OVCH1: variants seen among roughly 807,000 people sequenced by gnomAD.
The protein encoded by OVCH1 is ovochymase-1.
OVCH1 carries 139 observed loss-of-function variants against 138.4 expected under a neutral mutation model. The observed-to-expected ratio is 1.00, with a 90% CI of 0.87 to 1.16. The LOEUF is 1.16. Among genes scored for constraint, OVCH1 ranks in the 50% most tolerant of loss-of-function variants. OVCH1 has a pLI of 0.00. For missense variants in OVCH1, 1,367 were observed against 1,357.9 expected (o/e 1.01, Z -0.11); for synonymous variants, 453 against 467.8 (o/e 0.97, Z 0.41).
chr12:29,496,630 G>A (rs758346789), exon 2 of OVCH1: 5 of 1,613,830 alleles, frequency 3.1e-6, no homozygotes, highest in Non-Finnish European at 2.5e-6. Context: ...CCCACGGCAG[G>A]TTCCTTACTT....
At chr12:29,473,067 T>C (rs754683564) in exon 15 of OVCH1, 24 of 1,611,162 alleles carry the variant, frequency 1.5e-5, no homozygotes, top group Non-Finnish European at 5.1e-6. Context: ...AGGATTGTTT[T>C]GGGGAGGTAA....
intron 26 of OVCH1, among the ~76,000 whole-genome samples, chr12:29,438,298 CAT>C (rs1212441416): frequency 6.6e-6 from 1 of 152,042 alleles, no homozygotes; most frequent in Non-Finnish European, 1.5e-5. Flanking sequence ...TTTTCAATCA[CAT>C]GTTTCTTCTG....
exon 3 of OVCH1, chr12:29,496,256 T>C (rs540252172): frequency 2.5e-6 from 4 of 1,607,058 alleles, no homozygotes; most frequent in Non-Finnish European, 3.4e-6. Flanking sequence ...ACAGAAGTGG[T>C]GCTCATCTGA....
At chr12:29,451,886 G>A (rs1208604982) in intron 21 of OVCH1, among the ~76,000 whole-genome samples, 1 of 152,166 alleles carries the variant, frequency 6.6e-6, no homozygotes, top group Non-Finnish European at 1.5e-5. Context: ...CCTTTGAGAT[G>A]CAGCTGAAGA....
At chr12:29,439,375 G>A in exon 26 of OVCH1, 3 of 1,571,614 alleles carry the variant, frequency 1.9e-6, no homozygotes, top group Non-Finnish European at 2.6e-6. Flanking sequence ...ATAAAATTCA[G>A]TTTTTCTCTT....
intron 22 of OVCH1, 120 bp downstream of exon 22, chr12:29,451,225 T>C: frequency 1.7e-6 from 1 of 589,802 alleles, no homozygotes; most frequent in Non-Finnish European, 2.8e-6. Flanking sequence ...GAAAAAGCAT[T>C]CCTATTACAT....
intron 27 of OVCH1, among the ~76,000 whole-genome samples, chr12:29,433,079 T>C (rs965820311): frequency 1.3e-5 from 2 of 152,256 alleles, no homozygotes; most frequent in Admixed American, 1.3e-4. Context: ...CAAGTTTTCC[T>C]TGATTCCCTT....
At chr12:29,490,207 G>T (rs1011164947) in intron 5 of OVCH1, among the ~76,000 whole-genome samples, 15 of 152,046 alleles carry the variant, frequency 9.9e-5, no homozygotes, top group African/African-American at 3.6e-4. Context: ...GGGACTACAG[G>T]CATGCCACCG....
intron 19 of OVCH1, among the ~76,000 whole-genome samples, chr12:29,459,752 A>G (rs963812778): frequency 6.6e-6 from 1 of 152,148 alleles, no homozygotes; most frequent in Non-Finnish European, 1.5e-5. Context: ...ATAAATATAT[A>G]TGCCTACTAT....
At chr12:29,406,107 T>G in the OVCH1 span, among the ~76,000 whole-genome samples, 1 of 152,276 alleles carries the variant, frequency 6.6e-6, no homozygotes, top group South Asian at 2.1e-4. Flanking sequence ...TTCACTGTTA[T>G]AAAAACAATT....
downstream of OVCH1, chr12:29,412,345 C>G (rs1441876651): frequency 6.5e-6 from 1 of 153,220 alleles, no homozygotes; most frequent in Non-Finnish European, 1.5e-5. Flanking sequence ...CGCCCACTGT[C>G]TGGCACTCCC....
At chr12:29,437,089 A>AT (rs1039959275) in intron 26 of OVCH1, among the ~76,000 whole-genome samples, 1 of 152,112 alleles carries the variant, frequency 6.6e-6, no homozygotes, top group African/African-American at 2.4e-5. Context: ...TGATTGGTGC[A>AT]TTTTTACAGA....
downstream of OVCH1, chr12:29,423,185 T>G (rs1941128768): frequency 4.4e-6 from 2 of 454,410 alleles, no homozygotes; most frequent in African/African-American, 2.0e-5. Context: ...GAATCATCTC[T>G]TCTAAAATAA....
At chr12:29,461,887 G>A in exon 19 of OVCH1, 1 of 1,613,842 alleles carries the variant, frequency 6.2e-7, no homozygotes, top group Non-Finnish European at 8.5e-7. Flanking sequence ...ATGCTGCAAA[G>A]CCAGCACAGA....
chr12:29,412,093 C>T (rs866218199), downstream of OVCH1, among the ~76,000 whole-genome samples: 22 of 152,180 alleles, frequency 1.4e-4, no homozygotes, highest in South Asian at 8.3e-4. Flanking sequence ...ACTCCATGGG[C>T]GTAGGACCCT....
Position 29,471,684 on chromosome 12 carries a change from A to G in OVCH1, c.1856+118T>C, listed in dbSNP as rs568129390. Reference sequence around the variant, plus strand: ...TAGATGGCTATGCAGAAGAAACACTAAAAGAAGATTCTTGCTCTAGAATTA... The same window carrying G: ...TAGATGGCTATGCAGAAGAAACACTGAAAGAAGATTCTTGCTCTAGAATTA... On this transcript the variant is annotated intron_variant, in intron 16 of 27. Transcript: ENST00000318184. The G allele has an allele frequency of 1.7e-4, 201 of 1,198,920 alleles. 1 individual carries two copies. The highest frequency in any genetic ancestry group is 2.2e-4 in the Non-Finnish European group (196 of 884,244). The allele number at this position is 1,198,920 out of a possible 1,614,324, so 74.3% of individuals were successfully genotyped here. A position where few individuals can be genotyped will look rare whatever the true frequency, so the allele number is the denominator to read the frequency against.
intron 27 of OVCH1, among the ~76,000 whole-genome samples, chr12:29,431,738 G>T (rs1941272641): frequency 6.6e-6 from 1 of 151,972 alleles, no homozygotes; most frequent in African/African-American, 2.4e-5. Context: ...CTCACACATG[G>T]GGTATATAAA....
intron 8 of OVCH1, among the ~76,000 whole-genome samples, chr12:29,482,134 C>T (rs911237786): frequency 1.9e-4 from 29 of 152,184 alleles, no homozygotes; most frequent in Middle Eastern, 3.2e-3. Context: ...AGCTCCTTTA[C>T]GGTAAAATCC....
intron 26 of OVCH1, among the ~76,000 whole-genome samples, chr12:29,435,890 GC>G (rs1941349839): frequency 6.6e-6 from 1 of 151,944 alleles, no homozygotes; most frequent in South Asian, 2.1e-4. Context: ...CCTATTTATA[GC>G]CTTAAAATTA....
Sources: allele counts gnomAD v4.1 joint callset (sites outside exome capture counted in the v4.1 genomes callset), GRCh38; gene constraint gnomAD v4.1.1; transcripts MANE v1.5; gene names NCBI Gene and HGNC (gene_info 2026-07-23, HGNC 2026-07-21).